Variants in ARFGEF1 observed in about 807,000 individuals in gnomAD.
ARFGEF1 encodes the protein ARF guanine nucleotide exchange factor 1.
In ARFGEF1, 42 loss-of-function variants were observed where a neutral mutation model predicts 231.0. The observed-to-expected ratio is 0.18, with a 90% CI of 0.14 to 0.24. ARFGEF1 has a LOEUF of 0.24. ARFGEF1 is among the 10% of genes least tolerant of loss of function. The pLI, the probability that ARFGEF1 is intolerant of heterozygous loss-of-function variation, is 1.00. For missense variants in ARFGEF1, 1,345 were observed against 2,192.0 expected (o/e 0.61, Z 7.72); for synonymous variants, 710 against 732.3 (o/e 0.97, Z 0.49).
At chr8:67,243,380 A>G (rs995563870) in intron 19 of ARFGEF1, among the ~76,000 whole-genome samples, 2 of 152,216 alleles carry the variant, frequency 1.3e-5, no homozygotes, top group Admixed American at 6.5e-5. Context: ...GAGCAAAATC[A>G]TGTCTTACAA....
chr8:67,257,703 T>A, intron 17 of ARFGEF1, 29 bp downstream of exon 17: 2 of 1,495,734 alleles, frequency 1.3e-6, no homozygotes. Context: ...GTACCGCTTA[T>A]TGTAAAACTG....
chr8:67,212,893 T>A (rs937159039), intron 33 of ARFGEF1, among the ~76,000 whole-genome samples: 1 of 152,216 alleles, frequency 6.6e-6, no homozygotes, highest in African/African-American at 2.4e-5. Context: ...TTCTAAAATG[T>A]TCTCTCCAGA....
At chr8:67,279,212 C>G (rs950773170) in intron 7 of ARFGEF1, among the ~76,000 whole-genome samples, 1 of 152,164 alleles carries the variant, frequency 6.6e-6, no homozygotes, top group Non-Finnish European at 1.5e-5. Context: ...CCCCAGAGTA[C>G]TTATTCCAAA....
intron 7 of ARFGEF1, among the ~76,000 whole-genome samples, chr8:67,287,270 A>G (rs752237407): frequency 7.9e-5 from 12 of 152,314 alleles, no homozygotes; most frequent in Admixed American, 5.2e-4. Context: ...AGGTGCCTAC[A>G]TAACAGCCCC....
rs1408896716 is a variant in ARFGEF1 at position 67,253,592 on chromosome 8, T to C, written c.2557A>G (p.Ile853Val). The change falls in exon 18 of 39, where the codon ATT becomes GTT. Residue 853 changes from isoleucine (I) to valine (V), a missense_variant. Ile to Val is a conservative substitution (Grantham distance 29). This residue lies in a region of ARFGEF1 where 58 missense variants were observed against 133.6 expected (regional missense o/e 0.43). Coordinates refer to ENST00000262215, the MANE Select transcript of ARFGEF1 (RefSeq NM_006421.5). ...VKNKMTKEQYIKMNRGINDSK... is the reference protein window; with the variant it reads ...VKNKMTKEQYVKMNRGINDSK... Reference sequence around the variant, plus strand: ...TCATTGATACCTCTATTCATCTTAATGTATTGTTCCTTTGTCATTTTATTT... The same window carrying C: ...TCATTGATACCTCTATTCATCTTAACGTATTGTTCCTTTGTCATTTTATTT... The C allele has an allele frequency of 4.5e-6, 7 of 1,540,898 alleles. No homozygotes were observed. Among genetic ancestry groups the C allele is most frequent in the East Asian group, 2.3e-5 (1 of 43,578 alleles).
chr8:67,334,746 G>C (rs1469418781), intron 1 of ARFGEF1, among the ~76,000 whole-genome samples: 8 of 152,232 alleles, frequency 5.3e-5, no homozygotes, highest in Middle Eastern at 3.4e-3. Flanking sequence ...ATGAAGTGTG[G>C]ATACAAACTT....
At chr8:67,179,284 C>T (rs1039213729) in intron 5 of ARFGEF1, among the ~76,000 whole-genome samples, 2 of 152,130 alleles carry the variant, frequency 1.3e-5, no homozygotes, top group African/African-American at 4.8e-5. Flanking sequence ...TCCACTATAT[C>T]TGTGCTGCAT....
At chr8:67,190,530 C>T (rs1414473630) in intron 5 of ARFGEF1, 1 of 710,976 alleles carries the variant, frequency 1.4e-6, no homozygotes, top group African/African-American at 1.7e-5. Flanking sequence ...TATGTACATA[C>T]ATTGAGTGTG....
chr8:67,195,382 A>C, downstream of ARFGEF1: 1 of 1,612,500 alleles, frequency 6.2e-7, no homozygotes, highest in Non-Finnish European at 8.5e-7. Context: ...CCTCCTGTAG[A>C]TGATGAGAGT....
intron 5 of ARFGEF1, among the ~76,000 whole-genome samples, chr8:67,188,198 A>G (rs901614665): frequency 9.2e-5 from 14 of 152,256 alleles, no homozygotes; most frequent in Non-Finnish European, 1.8e-4. Flanking sequence ...ATAAGAAAAC[A>G]AAATACCTGA....
intron 33 of ARFGEF1, among the ~76,000 whole-genome samples, chr8:67,216,274 T>C (rs907813102): frequency 6.6e-6 from 1 of 152,090 alleles, no homozygotes; most frequent in Admixed American, 6.6e-5. Flanking sequence ...GAGTAGGCCA[T>C]GAGAATTAGT....
intron 5 of ARFGEF1, chr8:67,177,759 T>A: frequency 6.7e-7 from 1 of 1,496,872 alleles, no homozygotes; most frequent in Non-Finnish European, 9.3e-7. Flanking sequence ...TCAAGTTAGT[T>A]TTTGGGGGAT....
intron 22 of ARFGEF1, among the ~76,000 whole-genome samples, chr8:67,237,086 C>A (rs1285606175): frequency 6.6e-6 from 1 of 152,214 alleles, no homozygotes; most frequent in Non-Finnish European, 1.5e-5. Context: ...CCCACACTCT[C>A]TAGGCCTTTT....
intron 4 of ARFGEF1, among the ~76,000 whole-genome samples, chr8:67,297,266 T>C (rs1241815441): frequency 6.6e-6 from 1 of 152,224 alleles, no homozygotes; most frequent in Admixed American, 6.5e-5. Context: ...AGATATCTGT[T>C]GAACTAGACC....
In ARFGEF1 at chr8:67,302,433, A is replaced by C; in HGVS notation, c.155+3T>G. On this transcript the variant is annotated splice_donor_region_variant and intron_variant, in intron 2 of 38. Transcript: ENST00000262215. ...TTTACTAAAGAAAAGAAATCCCACA[A>C]ACCTCTGTTTTTCAGTTTCCGCTTT... is the stretch of plus-strand genomic sequence containing the variant. 1 of 1,570,696 alleles carries C rather than the reference A, an allele frequency of 6.4e-7. No homozygotes were observed. Among genetic ancestry groups the C allele is most frequent in the Non-Finnish European group, 8.6e-7 (1 of 1,162,990 alleles).
intron 7 of ARFGEF1, among the ~76,000 whole-genome samples, chr8:67,285,269 GC>G (rs1805707267): frequency 3.3e-5 from 5 of 152,042 alleles, no homozygotes; most frequent in African/African-American, 1.2e-4. Context: ...TGTAATCCCA[GC>G]AATTAGGGAG....
chr8:67,179,716 G>A (rs1300195101), intron 5 of ARFGEF1: 1 of 577,954 alleles, frequency 1.7e-6, no homozygotes, highest in African/African-American at 1.9e-5. Context: ...AGTATTTTCT[G>A]AGCATTGGAA....
intron 1 of ARFGEF1, among the ~76,000 whole-genome samples, chr8:67,334,830 A>G (rs1054765221): frequency 2.6e-5 from 4 of 152,198 alleles, no homozygotes; most frequent in Admixed American, 6.5e-5. Flanking sequence ...GCATTTCATG[A>G]AATGTCCAGA....
intron 19 of ARFGEF1, among the ~76,000 whole-genome samples, chr8:67,244,242 C>CAAAAAAAAAAAAAAAAA (rs34333039): frequency 5.0e-5 from 1 of 20,096 alleles, no homozygotes; most frequent in African/African-American, 1.5e-4. Context: ...GACTCCACCT[C>CAAAAAAAAAAAAAAAAA]AAAAAAAAAA....
Sources: allele counts gnomAD v4.1 joint callset (sites outside exome capture counted in the v4.1 genomes callset), GRCh38; gene constraint gnomAD v4.1.1; regional missense constraint gnomAD v4.1.1; transcripts MANE v1.5; gene names NCBI Gene and HGNC (gene_info 2026-07-23, HGNC 2026-07-21).